The following RNF212B variants were observed in gnomAD, a reference collection of about 807,000 sequenced individuals.
RNF212B encodes the protein E3 ubiquitin-protein ligase RNF212B.
In RNF212B, 52 loss-of-function variants were observed where a neutral mutation model predicts 55.5. The ratio of observed to expected loss-of-function variants is 0.94; its 90% CI spans 0.75 to 1.18. The LOEUF is 1.18. Among genes scored for constraint, RNF212B ranks in the 50% most tolerant of loss-of-function variants. RNF212B has a pLI of 0.00. For synonymous variants in RNF212B, 99 were observed against 121.4 expected (o/e 0.82, Z 1.21); for missense variants, 289 against 350.4 (o/e 0.82, Z 1.40).
intron 1 of RNF212B, among the ~76,000 whole-genome samples, chr14:23,190,262 A>G (rs1443153712): frequency 6.6e-6 from 1 of 152,150 alleles, no homozygotes; most frequent in Non-Finnish European, 1.5e-5. Flanking sequence ...TTATAGATCC[A>G]GTCCTAATCT....
At chr14:23,228,947 A>T (rs888209177) in intron 2 of RNF212B, among the ~76,000 whole-genome samples, 3 of 151,986 alleles carry the variant, frequency 2.0e-5, no homozygotes, top group Non-Finnish European at 2.9e-5. Flanking sequence ...AATGTTGTAC[A>T]ATCATCATCT....
intron 3 of RNF212B, 28 bp from the exon 4 acceptor site, chr14:23,244,294 C>T: frequency 7.4e-7 from 1 of 1,359,556 alleles, no homozygotes. Context: ...TGTGGATATT[C>T]TCACAGTGTG....
intron 1 of RNF212B, among the ~76,000 whole-genome samples, 110 bp downstream of exon 1, chr14:23,238,165 C>A (rs987476698): frequency 6.6e-6 from 1 of 152,126 alleles, no homozygotes; most frequent in Admixed American, 6.6e-5. Flanking sequence ...TCACCCTGTT[C>A]ACTGCCTTTT....
Position 23,238,777 on chromosome 14 carries a change from A to ATCATCATCATC in RNF212B, c.-2+722_-2+723insTCATCATCATC, listed in dbSNP as rs1555316069. Among the ~76,000 whole-genome samples, 1,096 of 134,766 alleles carry ATCATCATCATC rather than the reference A, an allele frequency of 8.1e-3. 11 individuals are homozygous for ATCATCATCATC. The highest frequency in any genetic ancestry group is 0.02 in the South Asian group (88 of 4,362). 88.4% of individuals were successfully genotyped at this position (134,766 alleles called of 152,430 possible). Reference sequence around the variant, plus strand: ...TAATAATAATAATAATAATAATAATAATAATCCCACAAAGAAACCTTACAA... The same window carrying ATCATCATCATC: ...TAATAATAATAATAATAATAATAATATCATCATCATCATAATCCCACAAAGAAACCTTACAA... On this transcript the variant is annotated intron_variant, in intron 1 of 14. Coordinates refer to ENST00000430154, the MANE Select transcript of RNF212B (RefSeq NM_001282322.3).
chr14:23,208,777 G>C (rs73600479), intron 2 of RNF212B, among the ~76,000 whole-genome samples: 13 of 28,096 alleles, frequency 4.6e-4, no homozygotes, highest in African/African-American at 1.0e-3. Context: ...TTTTTTTTTT[G>C]AGACGGAGTC....
At chr14:23,190,781 C>A (rs901766852) in intron 1 of RNF212B, among the ~76,000 whole-genome samples, 1 of 152,236 alleles carries the variant, frequency 6.6e-6, no homozygotes, top group Non-Finnish European at 1.5e-5. Flanking sequence ...AACCCTCCAA[C>A]GCTGCCTGTC....
At chr14:23,246,878 C>T (rs1221957602) in intron 4 of RNF212B, among the ~76,000 whole-genome samples, 2 of 152,082 alleles carry the variant, frequency 1.3e-5, no homozygotes, top group Admixed American at 6.6e-5. Flanking sequence ...TGGTGGCTCA[C>T]GCCTGTAATC....
At chr14:23,202,800 A>G (rs10134378) in intron 2 of RNF212B, among the ~76,000 whole-genome samples, 149,722 of 150,254 alleles carry the variant, frequency 1, 74,600 homozygotes, top group Middle Eastern at 1. Context: ...GCAGTGAGCC[A>G]AGATTGGTCA....
Position 23,213,734 on chromosome 14 carries a change from GAGA to G in RNF212B, c.-2+20339_-2+20341del, listed in dbSNP as rs749772409. On this transcript the variant is annotated intron_variant, in intron 2 of 15. Transcript: ENST00000399910. ...CATGCCAAATGAAGAAAGAAAGAGA[GAGA>G]AGAAGTGAGGAAGAGAGGTAGAGAG... Among the ~76,000 whole-genome samples, 27 of 152,268 alleles carry G rather than the reference GAGA, an allele frequency of 1.8e-4. 1 individual carries two copies. The highest frequency in any genetic ancestry group is 3.5e-4 in the Non-Finnish European group (24 of 68,022).
chr14:23,212,034 G>A (rs1047948296), intron 2 of RNF212B, among the ~76,000 whole-genome samples: 13 of 152,116 alleles, frequency 8.5e-5, no homozygotes, highest in African/African-American at 3.1e-4. Context: ...GACCAAAAAA[G>A]AAAAATTATA....
chr14:23,258,747 C>G (rs1054149918), intron 5 of RNF212B, 83 bp downstream of exon 5: 1 of 558,058 alleles, frequency 1.8e-6, no homozygotes, highest in Non-Finnish European at 2.9e-6. Context: ...GTTTGCAAAG[C>G]CTGGAAATTG....
chr14:23,216,082 T>C (rs956447763), intron 2 of RNF212B, among the ~76,000 whole-genome samples: 4 of 151,324 alleles, frequency 2.6e-5, no homozygotes, highest in Admixed American at 2.6e-4. Context: ...CCATCTCTAC[T>C]AAAAATAAAA....
intron 2 of RNF212B, among the ~76,000 whole-genome samples, chr14:23,225,021 C>T (rs1271898726): frequency 1.3e-5 from 2 of 151,800 alleles, no homozygotes; most frequent in East Asian, 3.9e-4. Context: ...CATCATTGAT[C>T]ACATAAATGC....
chr14:23,240,060 C>T (rs1883451990), intron 1 of RNF212B, among the ~76,000 whole-genome samples: 1 of 151,110 alleles, frequency 6.6e-6, no homozygotes, highest in African/African-American at 2.4e-5. Flanking sequence ...TCACCACTGT[C>T]TGTCCATTAC....
At chr14:23,209,461 A>G (rs1275231684) in intron 2 of RNF212B, among the ~76,000 whole-genome samples, 1 of 152,206 alleles carries the variant, frequency 6.6e-6, no homozygotes, top group Non-Finnish European at 1.5e-5. Context: ...TTATAATCCA[A>G]TGTATAAAAT....
Position 23,273,039 on chromosome 14 carries a change from TTCAC to T in RNF212B, c.*149_*152del. 1 of 526,398 alleles carries T rather than the reference TTCAC, an allele frequency of 1.9e-6. No homozygotes were observed. Among genetic ancestry groups the T allele is most frequent in the Non-Finnish European group, 3.3e-6 (1 of 299,976 alleles). 32.6% of individuals were successfully genotyped at this position (526,398 alleles called of 1,614,324 possible). On this transcript the variant is annotated 3_prime_UTR_variant, in exon 15 of 15. Transcript: ENST00000430154. ...TTATGCTCCCCCCATCTTTACCCTA[TTCAC>T]CCTTATCACCTCCCAGGACAGTGGT...
At chr14:23,242,936 G>A (rs1030392455) in intron 2 of RNF212B, among the ~76,000 whole-genome samples, 11 of 151,876 alleles carry the variant, frequency 7.2e-5, no homozygotes, top group African/African-American at 2.7e-4. Flanking sequence ...CCATAATTGT[G>A]CCACTGCATT....
At chr14:23,264,087 G>A (rs1018507189) in intron 9 of RNF212B, 87 bp from the exon 10 acceptor site, 3 of 1,150,372 alleles carry the variant, frequency 2.6e-6, no homozygotes, top group Non-Finnish European at 3.7e-6. Flanking sequence ...GACTCTGTCT[G>A]AAAAAAACCA....
intron 2 of RNF212B, among the ~76,000 whole-genome samples, chr14:23,229,354 A>G (rs1476048081): frequency 6.7e-6 from 1 of 149,866 alleles, no homozygotes. Context: ...ATATTGGTGT[A>G]CACATATCTG....
Sources: allele counts gnomAD v4.1 joint callset (sites outside exome capture counted in the v4.1 genomes callset), GRCh38; gene constraint gnomAD v4.1.1; transcripts MANE v1.5; gene names NCBI Gene and HGNC (gene_info 2026-07-23, HGNC 2026-07-21).